The following SORCS2 variants were observed in gnomAD, a reference collection of about 807,000 sequenced individuals.
The protein encoded by SORCS2 is sortilin related VPS10 domain containing receptor 2.
Under a neutral mutation model 141.6 loss-of-function variants are expected in SORCS2, and 100 were observed. The ratio of observed to expected loss-of-function variants is 0.71; its 90% CI spans 0.60 to 0.83. The LOEUF (loss-of-function observed/expected upper bound fraction) is 0.83, where lower values mean the gene tolerates loss of function less well. Ranked by LOEUF, SORCS2 falls within the 40% of genes least tolerant of loss-of-function variation. The probability of loss-of-function intolerance (pLI) is 0.00; values close to 1 mark genes in which losing one functional copy is unlikely to be tolerated. For missense variants in SORCS2, 1,646 were observed against 1,560.2 expected, an observed-to-expected ratio of 1.05 and a Z score of -0.93; for synonymous variants, 789 against 676.9, an observed-to-expected ratio of 1.17 and a Z score of -2.57.
At chr4:7,267,075 G>A (rs565035873) in intron 1 of SORCS2, among the ~76,000 whole-genome samples, 1 of 152,206 alleles carries the variant, frequency 6.6e-6, no homozygotes, top group South Asian at 2.1e-4. Context: ...CCCCCACAAA[G>A]CACGAAATAG....
intron 1 of SORCS2, 39 bp from the exon 2 acceptor site, chr4:7,396,249 C>G: frequency 6.2e-7 from 1 of 1,601,142 alleles, no homozygotes. Context: ...ACCTTGGCAC[C>G]CACTGATTTC....
At chr4:7,461,895 G>A (rs1729335207) in intron 2 of SORCS2, among the ~76,000 whole-genome samples, 1 of 150,598 alleles carries the variant, frequency 6.6e-6, no homozygotes, top group Non-Finnish European at 1.5e-5. Context: ...ACACCTGGGA[G>A]GTGCTGTCCC....
At chr4:7,712,611 GAGA>G (rs1318564082) in intron 14 of SORCS2, 119 bp from the exon 15 acceptor site, 1 of 1,409,312 alleles carries the variant, frequency 7.1e-7, no homozygotes, top group African/African-American at 1.4e-5. Flanking sequence ...GCAAGGGCAG[GAGA>G]AGGATATCTG....
chr4:7,349,087 T>TA, intron 1 of SORCS2, among the ~76,000 whole-genome samples: 1 of 152,164 alleles, frequency 6.6e-6, no homozygotes, highest in East Asian at 1.9e-4. Flanking sequence ...ACCTACCTCT[T>TA]ATGCCAGTCA....
At chr4:7,567,298 C>A (rs1459835551) in intron 3 of SORCS2, among the ~76,000 whole-genome samples, 5 of 152,102 alleles carry the variant, frequency 3.3e-5, no homozygotes, top group African/African-American at 1.2e-4. Context: ...TACCTAATGC[C>A]TTCATCGATC....
intron 3 of SORCS2, among the ~76,000 whole-genome samples, chr4:7,635,132 C>A (rs983401807): frequency 6.6e-6 from 1 of 152,188 alleles, no homozygotes; most frequent in African/African-American, 2.4e-5. Flanking sequence ...GTGTCCCAGG[C>A]TAATGTAAAG....
At chr4:7,245,379 C>T (rs1449418670) in intron 1 of SORCS2, among the ~76,000 whole-genome samples, 4 of 152,350 alleles carry the variant, frequency 2.6e-5, no homozygotes, top group East Asian at 3.9e-4. Context: ...CTTGCTCCTC[C>T]GGGATGCCCG....
chr4:7,494,876 C>A (rs542121554), intron 2 of SORCS2, among the ~76,000 whole-genome samples: 1 of 152,220 alleles, frequency 6.6e-6, no homozygotes, highest in Non-Finnish European at 1.5e-5. Context: ...TCGTCTCTGC[C>A]GCTCTGAACT....
Position 7,698,849 on chromosome 4 carries a change from G to T in SORCS2, c.1668+1575G>T, listed in dbSNP as rs553332327. Among the ~76,000 whole-genome samples the T allele has an allele frequency of 2.1e-4, 21 of 101,018 alleles. No individual in the cohort carries two copies. In the East Asian group the frequency reaches 6.1e-3, roughly 29 times the overall value. The allele number at this position is 101,018 out of a possible 152,430, so 66.3% of individuals were successfully genotyped here. On this transcript the variant is annotated intron_variant, in intron 12 of 26. Coordinates refer to ENST00000507866, the MANE Select transcript of SORCS2 (RefSeq NM_020777.3). ...TGGCAGGGGAGGGAGAGATGCTCCT[G>T]TGGGTTTTTTTTTAAGTTTCTTGGG...
In SORCS2 at chr4:7,619,467, A is replaced by T. The variant is rs1207290524; in HGVS notation, c.649-18861A>T. On this transcript the variant is annotated intron_variant, in intron 3 of 26. Coordinates refer to ENST00000507866, the MANE Select transcript of SORCS2 (RefSeq NM_020777.3). ...CTTCTGGCCAGTAAAACCTCACTCT[A>T]CCCTGCCCACTCCACCTCTTCAGTC... Among the ~76,000 whole-genome samples the T allele has an allele frequency of 1.5e-4, 23 of 151,814 alleles. 1 individual carries two copies. The highest frequency in any genetic ancestry group is 3.4e-4 in the Non-Finnish European group (23 of 67,948).
At chr4:7,285,743 A>G in intron 1 of SORCS2, among the ~76,000 whole-genome samples, 1 of 152,216 alleles carries the variant, frequency 6.6e-6, no homozygotes, top group East Asian at 1.9e-4. Context: ...CTTCCGGAGC[A>G]TGCTGGGCCA....
intron 1 of SORCS2, among the ~76,000 whole-genome samples, chr4:7,385,565 C>T (rs1723242794): frequency 6.6e-6 from 1 of 152,180 alleles, no homozygotes; most frequent in African/African-American, 2.4e-5. Flanking sequence ...TTGAAGAGTG[C>T]CACTCTGCAC....
At chr4:7,387,967 G>C (rs372919118) in intron 1 of SORCS2, among the ~76,000 whole-genome samples, 15 of 86,124 alleles carry the variant, frequency 1.7e-4, no homozygotes, top group Admixed American at 6.3e-4. Context: ...CACACACACA[G>C]ATACACAGAG....
At chr4:7,703,725 G>A (rs1427767185) in intron 13 of SORCS2, among the ~76,000 whole-genome samples, 1 of 152,032 alleles carries the variant, frequency 6.6e-6, no homozygotes, top group Non-Finnish European at 1.5e-5. Flanking sequence ...AGGTGAGAGG[G>A]TTGGCAGCTG....
intron 1 of SORCS2, among the ~76,000 whole-genome samples, chr4:7,322,033 G>C (rs915553385): frequency 3.9e-5 from 6 of 152,186 alleles, no homozygotes; most frequent in African/African-American, 1.4e-4. Context: ...GCTCCTCCAA[G>C]AAACAGGCTT....
At chr4:7,329,359 G>A (rs776450252) in intron 1 of SORCS2, among the ~76,000 whole-genome samples, 13 of 152,328 alleles carry the variant, frequency 8.5e-5, no homozygotes, top group East Asian at 3.9e-4. Flanking sequence ...AGCAAACGTC[G>A]TAAAAGAAGA....
chr4:7,633,071 T>G (rs1560441522), intron 3 of SORCS2, among the ~76,000 whole-genome samples: 1 of 152,150 alleles, frequency 6.6e-6, no homozygotes, highest in East Asian at 1.9e-4. Context: ...CTCAGAAAAT[T>G]TGAAAGAAGC....
intron 3 of SORCS2, among the ~76,000 whole-genome samples, chr4:7,545,557 A>G (rs181879123): frequency 6.6e-4 from 100 of 152,282 alleles, no homozygotes; most frequent in Non-Finnish European, 1.3e-3. Context: ...AGAGACAAGA[A>G]CACAGGCTCA....
chr4:7,221,980 G>T (rs569379761), intron 1 of SORCS2, among the ~76,000 whole-genome samples: 1 of 152,296 alleles, frequency 6.6e-6, no homozygotes, highest in East Asian at 1.9e-4. Context: ...AACAAGTTCA[G>T]ATGGGGCTGA....
Sources: gnomAD v4.1 joint callset for allele counts (sites outside exome capture counted in the v4.1 genomes callset) on GRCh38, gnomAD v4.1.1 for gene constraint, MANE v1.5 for transcripts, NCBI Gene and HGNC (gene_info 2026-07-23, HGNC 2026-07-21) for gene names.